The following DLG5 variants were observed in gnomAD, a reference collection of about 807,000 sequenced individuals.
DLG5 encodes the protein disks large homolog 5.
In DLG5, 48 loss-of-function variants were observed where a neutral mutation model predicts 189.8. That is an observed-to-expected ratio of 0.25 (90% CI 0.20 to 0.32). The LOEUF (loss-of-function observed/expected upper bound fraction) is 0.32. Ranked by LOEUF, DLG5 falls within the 10% of genes least tolerant of loss-of-function variation. The probability of loss-of-function intolerance (pLI) is 1.00; values close to 1 mark genes in which losing one functional copy is unlikely to be tolerated. For synonymous variants in DLG5, 1,016 were observed against 1,054.1 expected, an observed-to-expected ratio of 0.96 and a Z score of 0.70; for missense variants, 2,160 against 2,544.7, an observed-to-expected ratio of 0.85 and a Z score of 3.25.
chr10:77,940,487 T>C, the DLG5 span, among the ~76,000 whole-genome samples: 1 of 152,190 alleles, frequency 6.6e-6, no homozygotes, highest in Non-Finnish European at 1.5e-5. Context: ...GGGAGGAAAA[T>C]GCCTTGAATT....
chr10:77,856,227 C>T (rs1044600858), intron 3 of DLG5, among the ~76,000 whole-genome samples: 3 of 152,004 alleles, frequency 2.0e-5, no homozygotes, highest in African/African-American at 7.2e-5. Flanking sequence ...TGGCACACAC[C>T]TATAGTCCCA....
chr10:77,856,433 G>A (rs1428994492), intron 3 of DLG5, among the ~76,000 whole-genome samples: 2 of 146,994 alleles, frequency 1.4e-5, no homozygotes, highest in East Asian at 2.0e-4. Context: ...ACTTAGGCAG[G>A]TCTAGGAGAC....
chr10:77,794,528 T>C (rs1250824494), intron 30 of DLG5, among the ~76,000 whole-genome samples: 1 of 152,098 alleles, frequency 6.6e-6, no homozygotes, highest in South Asian at 2.1e-4. Context: ...CCCCTGCTCC[T>C]AAGCAGCACG....
intron 1 of DLG5, among the ~76,000 whole-genome samples, chr10:77,894,104 G>A (rs1022863939): frequency 6.6e-6 from 1 of 152,234 alleles, no homozygotes; most frequent in African/African-American, 2.4e-5. Flanking sequence ...CGCCTACTCA[G>A]AATCTGAACC....
At chr10:77,896,525 A>G (rs1283038977) in intron 1 of DLG5, among the ~76,000 whole-genome samples, 5 of 152,172 alleles carry the variant, frequency 3.3e-5, no homozygotes, top group African/African-American at 1.2e-4. Flanking sequence ...ATATGGATAC[A>G]TCTGCAGAGT....
chr10:77,864,646 G>A (rs1343345719), intron 2 of DLG5, among the ~76,000 whole-genome samples: 1 of 152,210 alleles, frequency 6.6e-6, no homozygotes, highest in African/African-American at 2.4e-5. Flanking sequence ...AAAGCCCTCC[G>A]GGTGATTCCG....
At chr10:77,858,222 A>G (rs1781816) in intron 2 of DLG5, among the ~76,000 whole-genome samples, 39,016 of 152,066 alleles carry the variant, frequency 0.26, 5,585 homozygotes, top group Admixed American at 0.39. Context: ...GCCACATAAC[A>G]ACGTTTCAGT....
At chr10:77,846,319 C>A (rs1438633756) in intron 5 of DLG5, among the ~76,000 whole-genome samples, 1 of 152,246 alleles carries the variant, frequency 6.6e-6, no homozygotes, top group Non-Finnish European at 1.5e-5. Flanking sequence ...TCTGGTCAAC[C>A]AACGCCTTCT....
At chr10:77,894,043 T>G (rs2076086544) in intron 1 of DLG5, among the ~76,000 whole-genome samples, 1 of 152,244 alleles carries the variant, frequency 6.6e-6, no homozygotes, top group Admixed American at 6.5e-5. Context: ...CATAGGAAGC[T>G]GTGGGTGGAA....
rs752013153 is a variant in DLG5 at position 77,817,845 on chromosome 10, G to A, written c.3716C>T (p.Thr1239Ile). 1.2e-5 allele frequency: 19 copies of A among 1,554,308 alleles called. No individual in the cohort carries two copies. The East Asian group carries it at 3.4e-4, about 28-fold the overall frequency. The stretch of plus-strand genomic sequence containing the variant: ...TCTCATCTCGGAGTAGTCGCTGCAG[G>A]TCCTGTGGCTCAGGTCCAGGCTCAG... ...GRLSLDLSHR[T>I]CSDYSEMRAT... Residue 1239 changes from threonine (T) to isoleucine (I), a missense_variant, in exon 18 of 32, where the codon ACC (threonine) becomes ATC (isoleucine). Coordinates refer to ENST00000372391, the MANE Select transcript of DLG5 (RefSeq NM_004747.4).
chr10:77,821,064 C>A lies in DLG5; in HGVS notation c.3402+18G>T, dbSNP rs773565612. 1.3e-6 allele frequency: 2 copies of A among 1,587,814 alleles called. No homozygotes were observed. The highest frequency in any genetic ancestry group is 4.5e-5 in the East Asian group (2 of 44,640). ...CTCTCTAGGCCTCCCCTCCCCACAC[C>A]CTGGGGCTCAGCTATACCTCCAGGA... On this transcript the variant is annotated intron_variant, in intron 15 of 31. Coordinates refer to ENST00000372391, the MANE Select transcript of DLG5 (RefSeq NM_004747.4).
At chr10:77,793,795 C>T (rs966419867) in intron 31 of DLG5, 2 of 585,034 alleles carry the variant, frequency 3.4e-6, no homozygotes, top group African/African-American at 3.8e-5. Context: ...GGACCTGAGG[C>T]CAAGATCGGT....
chr10:77,854,477 T>G (rs568865153), intron 3 of DLG5, 107 bp from the exon 4 acceptor site: 76 of 1,419,792 alleles, frequency 5.4e-5, no homozygotes, highest in Admixed American at 2.0e-4. Flanking sequence ...AGTACTGGTC[T>G]TCTATGCACC....
rs941601155 is a variant in DLG5 at position 77,841,727 on chromosome 10, G to C, written c.1437+154C>G. Among the ~76,000 whole-genome samples the C allele has an allele frequency of 2.6e-5, 4 of 152,342 alleles. No homozygotes were observed. In the East Asian group the frequency reaches 7.7e-4, roughly 29 times the overall value. Reference sequence around the variant, plus strand: ...TGGGCATTAAGCATGAGCTCAGGCAGTGTCTGATAACCCAGCTTGCACTTA... The same window carrying C: ...TGGGCATTAAGCATGAGCTCAGGCACTGTCTGATAACCCAGCTTGCACTTA... On this transcript the variant is annotated intron_variant, in intron 7 of 31. Coordinates refer to ENST00000372391, the MANE Select transcript of DLG5 (RefSeq NM_004747.4).
Position 77,811,096 on chromosome 10 carries a change from G to A in DLG5, c.4461C>T (p.Ser1487=). ...GGCTCACAGCAACGTCTGCTGACCT[G>A]GAGCTGCTCTGCTTGGCTGGGGGGG... ...PSTPPAKQSS[S]RIAGDANKKT... Residue 1487 remains serine, a splice_region_variant and synonymous_variant, in exon 23 of 32, where the codon TCC becomes TCT. Transcript: ENST00000372391. The A allele has an allele frequency of 3.1e-6, 5 of 1,611,268 alleles. No homozygotes were observed. The highest frequency in any genetic ancestry group is 3.4e-6 in the Non-Finnish European group (4 of 1,179,842).
chr10:77,815,981 T>C (rs1284088399), intron 20 of DLG5: 1 of 391,076 alleles, frequency 2.6e-6, no homozygotes, highest in African/African-American at 2.1e-5. Flanking sequence ...AAGATGGACC[T>C]ACATTCTAAA....
Position 77,926,222 on chromosome 10 carries a change from C to G in DLG5, c.299G>C (p.Gly100Ala), listed in dbSNP as rs1436077183. The G allele has an allele frequency of 2.0e-6, 3 of 1,511,712 alleles. No homozygotes were observed. The highest frequency in any genetic ancestry group is 2.0e-5 in the Admixed American group (1 of 50,896). The allele number at this position is 1,511,712 out of a possible 1,614,324, so 93.6% of individuals were successfully genotyped here. A position where few individuals can be genotyped will look rare whatever the true frequency, so the allele number is the denominator to read the frequency against. ...GVVGPPQPAEGAGSTYSVLST... is the reference protein window; with the variant it reads ...GVVGPPQPAEAAGSTYSVLST... ...GCCAAGGGTCTGCCACTCACCCGCG[C>G]CTTCGGCGGGCTGCGGCGGCCCGAC... The change falls in exon 1 of 32, where the codon GGC (glycine) becomes GCC (alanine). Residue 100 changes from glycine to alanine, a missense_variant. Gly to Ala is a moderately conservative substitution (Grantham distance 60, BLOSUM62 0). Coordinates refer to ENST00000372391, the MANE Select transcript of DLG5 (RefSeq NM_004747.4). This position sits in a 1 kb window ranked among gnomAD's most constrained non-coding sequence, Gnocchi z 5.2.
chr10:77,894,876 G>C (rs140875691), intron 1 of DLG5, among the ~76,000 whole-genome samples: 1 of 152,236 alleles, frequency 6.6e-6, no homozygotes, highest in African/African-American at 2.4e-5. Flanking sequence ...ATCCACTCCA[G>C]AGGTCTTGTA....
At chr10:77,860,847 A>AC (rs1358349799) in intron 2 of DLG5, among the ~76,000 whole-genome samples, 5 of 152,196 alleles carry the variant, frequency 3.3e-5, no homozygotes, top group Non-Finnish European at 5.9e-5. Context: ...CTGGCACTCC[A>AC]AAGAGCTCTT....
Sources: gnomAD v4.1 joint callset for allele counts (sites outside exome capture counted in the v4.1 genomes callset) on GRCh38, gnomAD v4.1.1 for gene constraint, Gnocchi (gnomAD v3.1) non-coding constraint, MANE v1.5 for transcripts, NCBI Gene and HGNC (gene_info 2026-07-23, HGNC 2026-07-21) for gene names.